The following ARAP2 variants were observed in gnomAD, a reference collection of about 807,000 sequenced individuals.
ARAP2 encodes ArfGAP with RhoGAP domain, ankyrin repeat and PH domain 2.
In ARAP2, 148 loss-of-function variants were observed where a neutral mutation model predicts 194.5. The ratio of observed to expected loss-of-function variants is 0.76; its 90% confidence interval spans 0.67 to 0.87. The LOEUF (loss-of-function observed/expected upper bound fraction) is 0.87, where lower values mean the gene tolerates loss of function less well. Among genes scored for constraint, ARAP2 ranks in the 40% least tolerant of loss-of-function variants. The pLI is 0.00. For missense variants in ARAP2, 2,128 were observed against 1,989.7 expected (o/e 1.07, Z -1.32); for synonymous variants, 695 against 683.5 (o/e 1.02, Z -0.26).
intron 15 of ARAP2, among the ~76,000 whole-genome samples, chr4:36,152,635 C>A: frequency 6.6e-6 from 1 of 150,718 alleles, no homozygotes. Context: ...AGATTAGAAG[C>A]ATTCAAGGAG....
chr4:36,160,344 A>T, intron 13 of ARAP2, 115 bp downstream of exon 13: 6 of 1,263,548 alleles, frequency 4.7e-6, no homozygotes, highest in Non-Finnish European at 6.1e-6. Flanking sequence ...AGGAAATAAA[A>T]TAAAATTAAT....
At position 36,128,616 on chromosome 4, in the gene ARAP2, G is replaced by T. The variant is rs151211611; in HGVS notation, c.3557C>A (p.Thr1186Lys). The change falls in exon 21 of 33, where the codon ACG (threonine) becomes AAG (lysine). Residue 1186 changes from threonine to lysine, a missense_variant. Transcript: ENST00000303965. The part of the protein sequence containing the change: ...RAGKHQLEDV[T>K]AVLKSFLSDI... ...AGAGAGAAAACTTTTCAACACAGCC[G>T]TCACATCTTCAAGCTGATGTTTTCC... 25 of 1,612,720 alleles carry T rather than the reference G, an allele frequency of 1.6e-5. No homozygotes were observed. The highest frequency in any genetic ancestry group is 2.0e-5 in the Non-Finnish European group (23 of 1,179,440).
At chr4:36,214,318 G>T in intron 3 of ARAP2, 104 bp downstream of exon 3, 1 of 787,386 alleles carries the variant, frequency 1.3e-6, no homozygotes, top group Non-Finnish European at 2.0e-6. Context: ...TATTTCCATT[G>T]TTCCCTATAC....
intron 8 of ARAP2, among the ~76,000 whole-genome samples, chr4:36,181,054 A>G (rs1411118879): frequency 6.6e-6 from 1 of 152,274 alleles, no homozygotes; most frequent in East Asian, 1.9e-4. Context: ...CCATTGGACA[A>G]GAGTCTAGGG....
intron 2 of ARAP2, among the ~76,000 whole-genome samples, chr4:36,215,440 T>G (rs1027380295): frequency 7.2e-5 from 11 of 152,178 alleles, no homozygotes; most frequent in Non-Finnish European, 1.5e-4. Flanking sequence ...AAAAATTAAC[T>G]CAAAGTGGAG....
At chr4:36,034,408 G>T (rs546737082) in intron 5 of ARAP2, among the ~76,000 whole-genome samples, 15 of 152,182 alleles carry the variant, frequency 9.9e-5, no homozygotes, top group African/African-American at 3.4e-4. Context: ...TGTGGATATT[G>T]TGAATGGGAT....
chr4:36,136,930 GCGCACACACA>G (rs1456953452), intron 19 of ARAP2, among the ~76,000 whole-genome samples: 54 of 27,972 alleles, frequency 1.9e-3, no homozygotes, highest in Non-Finnish European at 2.6e-3. Context: ...ACACGCGCGC[GCGCACACACA>G]CACACACACA....
intron 19 of ARAP2, among the ~76,000 whole-genome samples, chr4:36,140,311 C>T (rs1003710413): frequency 1.3e-5 from 2 of 151,670 alleles, no homozygotes; most frequent in Non-Finnish European, 3.0e-5. Context: ...AAATAATACA[C>T]GTTTTAAAAT....
chr4:36,035,193 CT>C (rs1420744148), intron 5 of ARAP2, among the ~76,000 whole-genome samples: 1 of 151,862 alleles, frequency 6.6e-6, no homozygotes, highest in East Asian at 1.9e-4. Flanking sequence ...TATAATTCAT[CT>C]GTGAATCTAT....
intron 1 of ARAP2, among the ~76,000 whole-genome samples, chr4:36,234,187 C>A (rs1274066558): frequency 3.9e-5 from 6 of 152,142 alleles, no homozygotes; most frequent in Non-Finnish European, 8.8e-5. Context: ...AGCATCTGTA[C>A]CTTAGATTGG....
chr4:36,143,700 G>A (rs563400997), intron 19 of ARAP2, among the ~76,000 whole-genome samples: 26 of 151,868 alleles, frequency 1.7e-4, no homozygotes, highest in African/African-American at 6.3e-4. Context: ...TTTAAATGGT[G>A]GGGATGGTAC....
intron 7 of ARAP2, among the ~76,000 whole-genome samples, chr4:36,188,194 G>C (rs946722094): frequency 2.0e-5 from 3 of 152,058 alleles, no homozygotes; most frequent in Admixed American, 2.0e-4. Flanking sequence ...TTAAGACTTC[G>C]ATAACTTTTT....
intron 26 of ARAP2, among the ~76,000 whole-genome samples, chr4:36,109,115 A>AT (rs1719180904): frequency 6.6e-6 from 1 of 152,000 alleles, no homozygotes; most frequent in Non-Finnish European, 1.5e-5. Flanking sequence ...TTCCCCTGCT[A>AT]TGAACATATC....
chr4:36,231,219 C>T (rs1376088772), intron 1 of ARAP2, among the ~76,000 whole-genome samples: 1 of 152,102 alleles, frequency 6.6e-6, no homozygotes, highest in East Asian at 1.9e-4. Flanking sequence ...GCCTGTAATC[C>T]CAGCTACTCG....
intron 25 of ARAP2, among the ~76,000 whole-genome samples, chr4:36,115,549 T>C (rs1430195052): frequency 1.3e-5 from 2 of 152,026 alleles, no homozygotes; most frequent in African/African-American, 4.8e-5. Flanking sequence ...AAAGCTCCTC[T>C]TTAGTAACAC....
At chr4:36,204,450 C>G (rs10006689) in intron 6 of ARAP2, among the ~76,000 whole-genome samples, 137,969 of 152,242 alleles carry the variant, frequency 0.91, 62,587 homozygotes, top group East Asian at 1. Context: ...GCTTCAAAGA[C>G]TTGTGCTTTA....
chr4:36,040,874 G>A (rs781025435), intron 5 of ARAP2, among the ~76,000 whole-genome samples: 4 of 152,130 alleles, frequency 2.6e-5, no homozygotes, highest in Non-Finnish European at 4.4e-5. Context: ...CCAATACTAT[G>A]TTGTATAGGA....
At chr4:36,016,707 G>A (rs769621342) in intron 6 of ARAP2, among the ~76,000 whole-genome samples, 8 of 152,048 alleles carry the variant, frequency 5.3e-5, no homozygotes, top group Non-Finnish European at 1.0e-4. Context: ...ATGATCATGC[G>A]TTACGTTAAA....
At chr4:36,007,896 A>G (rs1460552305) in intron 9 of ARAP2, among the ~76,000 whole-genome samples, 1 of 152,130 alleles carries the variant, frequency 6.6e-6, no homozygotes, top group Non-Finnish European at 1.5e-5. Context: ...CTATATTCCA[A>G]TAACTTTCAA....
Sources: gnomAD v4.1 joint callset for allele counts (sites outside exome capture counted in the v4.1 genomes callset) on GRCh38, gnomAD v4.1.1 for gene constraint, MANE v1.5 for transcripts, NCBI Gene and HGNC (gene_info 2026-07-23, HGNC 2026-07-21) for gene names.